The following NRBF2 variants were observed in gnomAD, a reference collection of about 807,000 sequenced individuals.
The protein encoded by NRBF2 is nuclear receptor-binding factor 2.
A neutral mutation model predicts 28.5 loss-of-function variants in NRBF2; 12 were observed. The observed-to-expected ratio is 0.42, with a 90% CI of 0.27 to 0.68. The LOEUF (loss-of-function observed/expected upper bound fraction) is 0.68. Ranked by LOEUF, NRBF2 falls within the 30% of genes least tolerant of loss-of-function variation. The probability of loss-of-function intolerance (pLI) is 0.24; values close to 1 mark genes in which losing one functional copy is unlikely to be tolerated. For synonymous variants in NRBF2, 102 were observed against 116.5 expected (o/e 0.88, Z 0.80); for missense variants, 274 against 333.5 (o/e 0.82, Z 1.39).
At position 63,140,040 on chromosome 10, in the gene NRBF2, A is replaced by G. The variant is rs577441940; in HGVS notation, c.31-6169A>G. ...GTGGTTCCAGCTACTTGAGAGGCTG[A>G]GATAGGAGGATCACTTGAGCCCAGG... On this transcript the variant is annotated intron_variant, in intron 1 of 3. Coordinates refer to ENST00000277746, the MANE Select transcript of NRBF2 (RefSeq NM_030759.5). 5.7e-4 allele frequency among the ~76,000 whole-genome samples: 87 copies of G among 151,370 alleles called. 1 individual carries two copies. Among genetic ancestry groups the G allele is most frequent in the Admixed American group, 2.1e-3 (31 of 15,030 alleles).
At chr10:63,139,293 G>A (rs1013221733) in intron 1 of NRBF2, among the ~76,000 whole-genome samples, 1 of 152,116 alleles carries the variant, frequency 6.6e-6, no homozygotes, top group African/African-American at 2.4e-5. Context: ...GATTACAGGC[G>A]TGAGCCACCA....
chr10:63,150,626 C>T (rs968356880), intron 2 of NRBF2, among the ~76,000 whole-genome samples: 24 of 152,206 alleles, frequency 1.6e-4, no homozygotes, highest in African/African-American at 5.8e-4. Context: ...AGTCAATTTT[C>T]CATAGACCTG....
rs994015940 is a variant in NRBF2 at position 63,153,993 on chromosome 10, G to A, written c.639G>A (p.Lys213=). 71 of 1,611,574 alleles carry A rather than the reference G, an allele frequency of 4.4e-5. No homozygotes were observed. Among genetic ancestry groups the A allele is most frequent in the Non-Finnish European group, 5.6e-5 (66 of 1,179,772 alleles). ...KARLLKGPIE[K]ELDVDADFVE... The stretch of plus-strand genomic sequence containing the variant: ...GACTTCTAAAAGGTCCAATAGAAAA[G>A]GAGCTGGATGTAGATGCTGATTTTG... The change falls in exon 4 of 4, where the codon AAG becomes AAA. Residue 213 remains lysine, a synonymous_variant. Transcript: ENST00000277746.
chr10:63,147,148 T>C (rs1002073479), intron 2 of NRBF2, among the ~76,000 whole-genome samples: 13 of 152,178 alleles, frequency 8.5e-5, no homozygotes, highest in Non-Finnish European at 1.8e-4. Context: ...GGCATGTTCC[T>C]TTCCCTCTAG....
At chr10:63,152,725 G>C (rs1374785277) in intron 3 of NRBF2, among the ~76,000 whole-genome samples, 1 of 152,224 alleles carries the variant, frequency 6.6e-6, no homozygotes, top group Non-Finnish European at 1.5e-5. Flanking sequence ...GACTGGGCAT[G>C]GTGGCCCATG....
In NRBF2 at chr10:63,154,198, A is replaced by G. The variant is rs1194517978; in HGVS notation, c.844A>G (p.Lys282Glu). The G allele has an allele frequency of 3.8e-6, 6 of 1,589,952 alleles. No individual in the cohort carries two copies. The highest frequency in any genetic ancestry group is 5.2e-6 in the Non-Finnish European group (6 of 1,162,880). Residue 282 changes from lysine to glutamate, a missense_variant, in exon 4 of 4, where the codon AAA becomes GAA. Coordinates refer to ENST00000277746, the MANE Select transcript of NRBF2 (RefSeq NM_030759.5). The part of the protein sequence containing the change: ...PLMELSEDIL[K>E]GFMNN ...TATGGAGCTCTCTGAGGATATTCTG[A>G]AAGGATTTATGAATAATTAAAATGG...
At chr10:63,133,571 G>A in intron 1 of NRBF2, 71 bp downstream of exon 1, 2 of 1,202,392 alleles carry the variant, frequency 1.7e-6, no homozygotes, top group Non-Finnish European at 2.5e-6. Flanking sequence ...CGTCCCCGGC[G>A]CGTCGGCTAA....
At chr10:63,151,112 G>A (rs571631164) in intron 2 of NRBF2, among the ~76,000 whole-genome samples, 1 of 152,292 alleles carries the variant, frequency 6.6e-6, no homozygotes, top group Non-Finnish European at 1.5e-5. Flanking sequence ...AAAGACTGTG[G>A]TAGAACCTAG....
At chr10:63,148,312 T>C (rs1034237952) in intron 2 of NRBF2, among the ~76,000 whole-genome samples, 5 of 152,226 alleles carry the variant, frequency 3.3e-5, no homozygotes, top group Non-Finnish European at 5.9e-5. Flanking sequence ...GATTAGTAAA[T>C]CCCACTGAGT....
At chr10:63,143,918 C>G (rs960603198) in intron 1 of NRBF2, among the ~76,000 whole-genome samples, 2 of 151,760 alleles carry the variant, frequency 1.3e-5, no homozygotes, top group African/African-American at 4.8e-5. Context: ...GCGCCACACC[C>G]GGCTAATTTT....
intron 1 of NRBF2, among the ~76,000 whole-genome samples, chr10:63,140,929 G>A (rs946146855): frequency 6.6e-6 from 1 of 151,932 alleles, no homozygotes; most frequent in Non-Finnish European, 1.5e-5. Context: ...TCAAACTCCT[G>A]ACCTCGTGAT....
chr10:63,140,028 C>T (rs1406612777), intron 1 of NRBF2, among the ~76,000 whole-genome samples: 1 of 151,308 alleles, frequency 6.6e-6, no homozygotes, highest in Non-Finnish European at 1.5e-5. Flanking sequence ...GTTCCAGCTA[C>T]TTGAGAGGCT....
At chr10:63,144,208 C>T (rs556439264) in intron 1 of NRBF2, among the ~76,000 whole-genome samples, 9 of 152,062 alleles carry the variant, frequency 5.9e-5, no homozygotes, top group Non-Finnish European at 1.0e-4. Context: ...GAAACTATGC[C>T]GTTTGAATAC....
At chr10:63,150,247 C>T (rs183401305) in intron 2 of NRBF2, 4 of 351,616 alleles carry the variant, frequency 1.1e-5, no homozygotes, top group South Asian at 1.1e-4. Flanking sequence ...CCACCACACC[C>T]GGCCGTCTTC....
rs140947401 is a variant in NRBF2, at chr10:63,147,721, A to G, written c.115+1428A>G. On this transcript the variant is annotated intron_variant, in intron 2 of 3. Coordinates refer to ENST00000277746, the MANE Select transcript of NRBF2 (RefSeq NM_030759.5). ...TGCTGCACCCATCAACCTGTTGTCT[A>G]CATTAGGTATTTCTCCTAATGCTAT... 5.7e-3 allele frequency among the ~76,000 whole-genome samples: 852 copies of G among 150,114 alleles called. 6 individuals carry two copies. The highest frequency in any genetic ancestry group is 0.018 in the African/African-American group (750 of 40,724).
At chr10:63,133,633 G>A in intron 1 of NRBF2, 133 bp downstream of exon 1, 8 of 711,644 alleles carry the variant, frequency 1.1e-5, no homozygotes, top group Non-Finnish European at 2.0e-5. Flanking sequence ...AGGCTGTGAG[G>A]GGCTGCTAGG....
In NRBF2 at chr10:63,154,004, T is replaced by C. The variant is rs1841691605; in HGVS notation, c.650T>C (p.Val217Ala). 1.2e-6 allele frequency: 2 copies of C among 1,611,850 alleles called. No homozygotes were observed. The highest frequency in any genetic ancestry group is 2.2e-5 in the South Asian group (2 of 90,976). Residue 217 changes from valine to alanine, a missense_variant, in exon 4 of 4, where the codon GTA becomes GCA. Val to Ala is a moderately conservative substitution (Grantham distance 64, BLOSUM62 0). Coordinates refer to ENST00000277746, the MANE Select transcript of NRBF2 (RefSeq NM_030759.5). Reference protein sequence around the residue: ...LKGPIEKELDVDADFVETSEL... With the variant: ...LKGPIEKELDADADFVETSEL... ...GGTCCAATAGAAAAGGAGCTGGATG[T>C]AGATGCTGATTTTGTAGAAACGTCA...
chr10:63,146,060 AT>A, intron 1 of NRBF2, 148 bp from the exon 2 acceptor site: 1 of 662,588 alleles, frequency 1.5e-6, no homozygotes, highest in East Asian at 2.7e-5. Flanking sequence ...TACCCATTAC[AT>A]TTCCCCAGCT....
rs77804874 is a variant in NRBF2 at position 63,135,245 on chromosome 10, A to G, written c.30+1745A>G. Among the ~76,000 whole-genome samples the G allele has an allele frequency of 6.6e-3, 1,003 of 152,350 alleles. 7 individuals carry two copies. The highest frequency in any genetic ancestry group is 0.023 in the African/African-American group (957 of 41,576). On this transcript the variant is annotated intron_variant, in intron 1 of 3. Coordinates refer to ENST00000277746, the MANE Select transcript of NRBF2 (RefSeq NM_030759.5). ...TTTTTAAGGCGACATATAGTTGGCA[A>G]TGAAATACAGTGGATGGCTCAATAC...
Sources: gnomAD v4.1 joint callset for allele counts (sites outside exome capture counted in the v4.1 genomes callset) on GRCh38, gnomAD v4.1.1 for gene constraint, MANE v1.5 for transcripts, NCBI Gene and HGNC (gene_info 2026-07-23, HGNC 2026-07-21) for gene names.